The following CDKL4 variants were observed in gnomAD, a reference collection of about 807,000 sequenced individuals.
The protein encoded by CDKL4 is cyclin-dependent kinase-like 4.
CDKL4 carries 44 observed loss-of-function variants against 42.0 expected under a neutral mutation model. That is an observed-to-expected ratio of 1.05 (90% CI 0.82 to 1.35). The LOEUF (loss-of-function observed/expected upper bound fraction) is 1.35, where lower values mean the gene tolerates loss of function less well. Among genes scored for constraint, CDKL4 ranks in the 40% most tolerant of loss-of-function variants. The probability of loss-of-function intolerance (pLI) is 0.00; values close to 1 mark genes in which losing one functional copy is unlikely to be tolerated. For synonymous variants in CDKL4, 120 were observed against 121.6 expected (o/e 0.99, Z 0.09); for missense variants, 393 against 369.9 (o/e 1.06, Z -0.51).
In CDKL4 at chr2:39,178,222, T is replaced by C. The variant is rs144428575; in HGVS notation, c.927+965A>G. Among the ~76,000 whole-genome samples, 36 of 152,330 alleles carry C rather than the reference T, an allele frequency of 2.4e-4. 1 individual carries two copies. The East Asian group carries it at 6.9e-3, about 29-fold the overall frequency. ...CATTTCATCTTCTGGATTAGTTTGATTTTTCTCTCCCAACAAACTTCTATT... is the reference window on the plus strand; with the variant it reads ...CATTTCATCTTCTGGATTAGTTTGACTTTTCTCTCCCAACAAACTTCTATT... On this transcript the variant is annotated intron_variant, in intron 9 of 9. Coordinates refer to ENST00000451199, the Ensembl canonical transcript of CDKL4.
chr2:39,205,410 T>G (rs549971104), intron 4 of CDKL4, among the ~76,000 whole-genome samples: 1 of 152,152 alleles, frequency 6.6e-6, no homozygotes, highest in South Asian at 2.1e-4. Flanking sequence ...CAAAATTCAC[T>G]TATAATTAGA....
intron 5 of CDKL4, among the ~76,000 whole-genome samples, chr2:39,203,018 C>T (rs1022866295): frequency 6.6e-6 from 1 of 152,130 alleles, no homozygotes; most frequent in Non-Finnish European, 1.5e-5. Flanking sequence ...ATTGGAATTG[C>T]CACAGTGGGT....
the CDKL4 span, among the ~76,000 whole-genome samples, chr2:39,168,032 AC>A: frequency 1.3e-5 from 2 of 152,198 alleles, no homozygotes; most frequent in African/African-American, 4.8e-5. Flanking sequence ...AGTTATATAT[AC>A]AAATATAAAG....
At chr2:39,186,697 GC>G (rs2148294909) in intron 7 of CDKL4, among the ~76,000 whole-genome samples, 1 of 151,936 alleles carries the variant, frequency 6.6e-6, no homozygotes, top group East Asian at 1.9e-4. Context: ...TGTGAAAAAA[GC>G]TTTTGATTGA....
intron 8 of CDKL4, among the ~76,000 whole-genome samples, chr2:39,181,328 C>T (rs1401255148): frequency 2.6e-5 from 4 of 152,206 alleles, no homozygotes; most frequent in Non-Finnish European, 5.9e-5. Flanking sequence ...TTCCTCAAGG[C>T]CAAATCCTAG....
chr2:39,171,609 T>C (rs945797140), downstream of CDKL4, among the ~76,000 whole-genome samples: 1 of 152,210 alleles, frequency 6.6e-6, no homozygotes, highest in African/African-American at 2.4e-5. Context: ...GAGAGAGGTC[T>C]AACGAAATGT....
chr2:39,234,747 C>T (rs1679274381), intron 1 of CDKL4, among the ~76,000 whole-genome samples: 1 of 152,102 alleles, frequency 6.6e-6, no homozygotes, highest in Non-Finnish European at 1.5e-5. Context: ...ATTAGAGTGA[C>T]ATCAGACTTA....
chr2:39,228,827 T>A (rs1017698466), intron 2 of CDKL4, among the ~76,000 whole-genome samples: 5 of 152,238 alleles, frequency 3.3e-5, no homozygotes, highest in Non-Finnish European at 4.4e-5. Flanking sequence ...ATTGAGAACT[T>A]AGGAATCTTA....
intron 1 of CDKL4, among the ~76,000 whole-genome samples, chr2:39,242,769 A>G (rs1446964361): frequency 1.3e-5 from 2 of 152,150 alleles, no homozygotes; most frequent in East Asian, 3.8e-4. Context: ...CTAATCTAGG[A>G]GCTTTAGGAA....
Position 39,181,885 on chromosome 2 carries a change from A to T in CDKL4, c.793-2564T>A, listed in dbSNP as rs142461730. ...CCTGAAAAAGCAATACAGCCACTGT[A>T]CCCTTGCCACCTCTTCTACTTTATT... is the stretch of plus-strand genomic sequence containing the variant. On this transcript the variant is annotated intron_variant, in intron 8 of 9. Coordinates refer to ENST00000451199, the Ensembl canonical transcript of CDKL4. 2.7e-3 allele frequency among the ~76,000 whole-genome samples: 407 copies of T among 152,298 alleles called. 3 individuals are homozygous for T. Among genetic ancestry groups the T allele is most frequent in the African/African-American group, 9.4e-3 (389 of 41,562 alleles).
chr2:39,195,660 T>TTTTTTA, intron 5 of CDKL4, among the ~76,000 whole-genome samples: 1 of 149,468 alleles, frequency 6.7e-6, no homozygotes, highest in African/African-American at 2.5e-5. Flanking sequence ...TTTTTTTTTT[T>TTTTTTA]GAGACAGGGT....
intron 3 of CDKL4, among the ~76,000 whole-genome samples, chr2:39,224,597 G>T (rs781358689): frequency 6.7e-6 from 1 of 149,314 alleles, no homozygotes; most frequent in African/African-American, 2.5e-5. Context: ...TCCGCCTCCT[G>T]GGTTGAAGCA....
At chr2:39,220,586 GTTTT>G (rs1027999229) in intron 3 of CDKL4, among the ~76,000 whole-genome samples, 1 of 148,962 alleles carries the variant, frequency 6.7e-6, no homozygotes. Flanking sequence ...CGAGATTCTG[GTTTT>G]TTTTTTCTTT....
chr2:39,234,883 T>A (rs185675163), intron 1 of CDKL4, among the ~76,000 whole-genome samples: 3,115 of 148,680 alleles, frequency 0.021, 85 homozygotes, highest in African/African-American at 0.077. Context: ...GATAAACATT[T>A]AAAAAAAATT....
chr2:39,245,676 A>G (rs972993213), upstream of CDKL4, among the ~76,000 whole-genome samples: 2 of 152,230 alleles, frequency 1.3e-5, no homozygotes, highest in Non-Finnish European at 2.9e-5. Flanking sequence ...CATCGAGAGC[A>G]CTGAAAAACA....
chr2:39,174,913 G>A (rs1280707736), downstream of CDKL4, among the ~76,000 whole-genome samples: 5 of 152,034 alleles, frequency 3.3e-5, no homozygotes, highest in Non-Finnish European at 7.4e-5. Context: ...ATACATATGT[G>A]TATATACGTA....
At chr2:39,193,087 C>T (rs1676284218) in intron 5 of CDKL4, among the ~76,000 whole-genome samples, 1 of 147,174 alleles carries the variant, frequency 6.8e-6, no homozygotes, top group Non-Finnish European at 1.5e-5. Context: ...AAGATCATAT[C>T]ACTGCCCTCC....
At chr2:39,170,296 GAAAGA>G in the CDKL4 span, among the ~76,000 whole-genome samples, 10,975 of 135,266 alleles carry the variant, frequency 0.081, 1,309 homozygotes, top group African/African-American at 0.27. Flanking sequence ...AAAAAAAAAA[GAAAGA>G]AAAGAAAAGA....
At chr2:39,197,017 T>A (rs1051636643) in intron 5 of CDKL4, among the ~76,000 whole-genome samples, 3 of 152,082 alleles carry the variant, frequency 2.0e-5, no homozygotes, top group Admixed American at 6.6e-5. Context: ...GAAGGTCAAC[T>A]ATTAAGCCAA....
Sources: gnomAD v4.1 joint callset for allele counts (sites outside exome capture counted in the v4.1 genomes callset) on GRCh38, gnomAD v4.1.1 for gene constraint, MANE v1.5 for transcripts, NCBI Gene and HGNC (gene_info 2026-07-23, HGNC 2026-07-21) for gene names.